Variants in ATP5PB observed in about 807,000 individuals in gnomAD.
ATP5PB encodes the protein ATP synthase peripheral stalk-membrane subunit b.
Under a neutral mutation model 34.5 loss-of-function variants are expected in ATP5PB, and 21 were observed. The observed-to-expected ratio is 0.61, with a 90% confidence interval of 0.43 to 0.88. ATP5PB has a LOEUF of 0.88. Among genes scored for constraint, ATP5PB ranks in the 40% least tolerant of loss-of-function variants. The pLI is 0.00. For missense variants in ATP5PB, 293 were observed against 317.4 expected (o/e 0.92, Z 0.58); for synonymous variants, 108 against 114.1 (o/e 0.95, Z 0.34).
chr1:111,449,662 G>A, intron 1 of ATP5PB, 81 bp downstream of exon 1: 12 of 1,553,338 alleles, frequency 7.7e-6, no homozygotes, highest in Non-Finnish European at 1.0e-5. Flanking sequence ...GGGGAGAAGG[G>A]CGCAGCGACA....
chr1:111,457,425 C>A (rs1300733080), intron 5 of ATP5PB, among the ~76,000 whole-genome samples: 1 of 152,066 alleles, frequency 6.6e-6, no homozygotes, highest in Non-Finnish European at 1.5e-5. Flanking sequence ...CCAAAACAAT[C>A]TTTAGGAATA....
chr1:111,454,350 G>A lies in ATP5PB; in HGVS notation c.217G>A (p.Val73Ile). The A allele has an allele frequency of 1.9e-6, 3 of 1,597,406 alleles. 1 individual carries two copies. Among genetic ancestry groups the A allele is most frequent in the South Asian group, 2.3e-5 (2 of 87,696 alleles). The change falls in exon 3 of 7, where the codon GTA becomes ATA. Residue 73 changes from valine (V) to isoleucine (I), a missense_variant. By Grantham distance (29) the Val-to-Ile change is conservative. Transcript: ENST00000369722. ...CCAGTTTCTTTATCCTAAAACTGGT[G>A]TAACAGGTGAGCATTTTTGCCTAGT... Reference protein sequence around the residue: ...FFQFLYPKTGVTGPYVLGTGL... With the variant: ...FFQFLYPKTGITGPYVLGTGL...
chr1:111,456,544 T>C (rs986712267), intron 4 of ATP5PB, 86 bp from the exon 5 acceptor site: 11 of 1,504,596 alleles, frequency 7.3e-6, no homozygotes, highest in African/African-American at 1.4e-5. Context: ...AAATGAGATA[T>C]ACAACTTTGA....
chr1:111,455,435 T>G (rs1291207323), intron 3 of ATP5PB, among the ~76,000 whole-genome samples: 1 of 152,206 alleles, frequency 6.6e-6, no homozygotes, highest in East Asian at 1.9e-4. Flanking sequence ...AATGCTTTCC[T>G]AAAAGCCTGC....
chr1:111,459,266 T>C (rs1415267110), intron 5 of ATP5PB, among the ~76,000 whole-genome samples, 191 bp from the exon 6 acceptor site: 1 of 152,174 alleles, frequency 6.6e-6, no homozygotes, highest in Non-Finnish European at 1.5e-5. Context: ...GAGACTTATT[T>C]CATACAGCAT....
At chr1:111,454,418 G>T (rs1653412061) in intron 3 of ATP5PB, 62 bp downstream of exon 3, 11 of 1,522,168 alleles carry the variant, frequency 7.2e-6, no homozygotes, top group Non-Finnish European at 9.7e-6. Context: ...ATCAAGTTAG[G>T]TGGGTTTTCT....
intron 2 of ATP5PB, among the ~76,000 whole-genome samples, chr1:111,453,819 A>G (rs1443954517): frequency 6.6e-6 from 1 of 152,250 alleles, no homozygotes; most frequent in Non-Finnish European, 1.5e-5. Flanking sequence ...ACTGAGAGAA[A>G]TCTGAGATTA....
intron 4 of ATP5PB, 43 bp downstream of exon 4, chr1:111,456,292 AC>A (rs1248907277): frequency 6.6e-7 from 1 of 1,507,458 alleles, no homozygotes; most frequent in Non-Finnish European, 8.9e-7. Flanking sequence ...ACTAGCAGAA[AC>A]ATGAAGGTCA....
chr1:111,455,713 T>C (rs748624655), intron 3 of ATP5PB, among the ~76,000 whole-genome samples: 6 of 152,248 alleles, frequency 3.9e-5, no homozygotes, highest in Non-Finnish European at 5.9e-5. Context: ...GCTGGACAAA[T>C]TACTTCAGAA....
chr1:111,459,268 A>G (rs971983867), intron 5 of ATP5PB, among the ~76,000 whole-genome samples, 189 bp from the exon 6 acceptor site: 10 of 152,328 alleles, frequency 6.6e-5, no homozygotes, highest in Middle Eastern at 3.4e-3. Context: ...GACTTATTTC[A>G]TACAGCATCA....
At chr1:111,455,473 C>T (rs955395818) in intron 3 of ATP5PB, among the ~76,000 whole-genome samples, 1 of 152,192 alleles carries the variant, frequency 6.6e-6, no homozygotes, top group Non-Finnish European at 1.5e-5. Flanking sequence ...TCCTGTGAGG[C>T]GCGGAGGAAA....
intron 5 of ATP5PB, among the ~76,000 whole-genome samples, chr1:111,457,645 T>C (rs928758202): frequency 6.6e-6 from 1 of 152,140 alleles, no homozygotes; most frequent in Non-Finnish European, 1.5e-5. Context: ...ATGTTTAGGA[T>C]CTTGGCCAAT....
chr1:111,459,688 T>G lies in ATP5PB; in HGVS notation c.693+52T>G, dbSNP rs1365431652. ...TGTTGTACTGGTATCTCTTAACAAG[T>G]ATCTGCTGATGTTTTGTTAAGGTAG... On this transcript the variant is annotated intron_variant, in intron 6 of 6. Transcript: ENST00000369722. The G allele has an allele frequency of 1.9e-6, 3 of 1,551,572 alleles. No homozygotes were observed. The Admixed American group carries it at 5.5e-5, about 28-fold the overall frequency.
chr1:111,460,412 A>G (rs1199667237), intron 6 of ATP5PB, among the ~76,000 whole-genome samples: 1 of 149,400 alleles, frequency 6.7e-6, no homozygotes, highest in South Asian at 2.1e-4. Flanking sequence ...CCTATACAGG[A>G]TTAGAAAAAC....
Position 111,461,396 on chromosome 1 carries a change from G to T in ATP5PB, c.*402G>T. 1 of 180,752 alleles carries T rather than the reference G, an allele frequency of 5.5e-6. No homozygotes were observed. The highest frequency in any genetic ancestry group is 2.4e-3 in the Middle Eastern group (1 of 414). 11.2% of individuals were successfully genotyped at this position (180,752 alleles called of 1,614,324 possible). A position where few individuals can be genotyped will look rare whatever the true frequency, so the allele number is the denominator to read the frequency against. ...TTTTGTCATATGGGTAAAAATTAAA[G>T]ATGTCATTGAACTACTGTCTTGTTT... is the stretch of plus-strand genomic sequence containing the variant. On this transcript the variant is annotated 3_prime_UTR_variant, in exon 7 of 7. Coordinates refer to ENST00000369722, the MANE Select transcript of ATP5PB (RefSeq NM_001688.5).
rs1369185430 is a variant in ATP5PB, at chr1:111,459,561, G to T, written c.618G>T (p.Met206Ile). Reference sequence around the variant, plus strand: ...ACTATCATATATCTGTGCAGAACATGATGCGTCGAAAGGAACAAGAACACA... The same window carrying T: ...ACTATCATATATCTGTGCAGAACATTATGCGTCGAAAGGAACAAGAACACA... Reference protein sequence around the residue: ...RLDYHISVQNMMRRKEQEHMI... With the variant: ...RLDYHISVQNIMRRKEQEHMI... Residue 206 changes from methionine to isoleucine, a missense_variant, in exon 6 of 7, where the codon ATG (methionine) becomes ATT (isoleucine). Physicochemically the swap from Met to Ile is conservative, Grantham distance 10 (BLOSUM62 1). Transcript: ENST00000369722. The T allele has an allele frequency of 1.9e-6, 3 of 1,613,868 alleles. No homozygotes were observed. The African/African-American group carries it at 4.0e-5, about 22-fold the overall frequency.
At chr1:111,450,043 C>G (rs890237402) in intron 2 of ATP5PB, among the ~76,000 whole-genome samples, 170 bp downstream of exon 2, 1 of 152,166 alleles carries the variant, frequency 6.6e-6, no homozygotes, top group African/African-American at 2.4e-5. Context: ...CAGGAACGCT[C>G]TCATGTCACC....
chr1:111,455,985 C>A lies in ATP5PB; in HGVS notation c.224-101C>A. ...GTTTTGTCTTTGAATCTAATTAAGT[C>A]ATTACTTTGCCTTCAGCTAATCAAA... On this transcript the variant is annotated intron_variant, in intron 3 of 6. Transcript: ENST00000369722. 4.8e-6 allele frequency: 5 copies of A among 1,043,158 alleles called. No homozygotes were observed. The South Asian group carries it at 1.1e-4, about 24-fold the overall frequency. The allele number at this position is 1,043,158 out of a possible 1,614,324, so 64.6% of individuals were successfully genotyped here. A position where few individuals can be genotyped will look rare whatever the true frequency, so the allele number is the denominator to read the frequency against.
chr1:111,460,209 C>T (rs977591015), intron 6 of ATP5PB, among the ~76,000 whole-genome samples: 2 of 152,154 alleles, frequency 1.3e-5, no homozygotes, highest in African/African-American at 2.4e-5. Context: ...AAGCCCCTTC[C>T]ATTTTCTAAT....
Sources: allele counts gnomAD v4.1 joint callset (sites outside exome capture counted in the v4.1 genomes callset), GRCh38; gene constraint gnomAD v4.1.1; transcripts MANE v1.5; gene names NCBI Gene and HGNC (gene_info 2026-07-23, HGNC 2026-07-21).